RIPOR2: variants seen among roughly 807,000 people sequenced by gnomAD.
RIPOR2 encodes rho family-interacting cell polarization regulator 2.
Under a neutral mutation model 114.5 loss-of-function variants are expected in RIPOR2, and 39 were observed. That is an observed-to-expected ratio of 0.34 (90% CI 0.26 to 0.44). The LOEUF (loss-of-function observed/expected upper bound fraction) is 0.44, where lower values mean the gene tolerates loss of function less well. RIPOR2 is among the 20% of genes least tolerant of loss of function. RIPOR2 has a pLI of 1.00. For synonymous variants in RIPOR2, 445 were observed against 484.4 expected, an observed-to-expected ratio of 0.92 and a Z score of 1.07; for missense variants, 1,007 against 1,255.1, an observed-to-expected ratio of 0.80 and a Z score of 2.99.
chr6:24,873,771 C>T lies in RIPOR2; in HGVS notation c.217G>A (p.Ala73Thr), dbSNP rs773372686. 8.7e-6 allele frequency: 14 copies of T among 1,611,384 alleles called. No homozygotes were observed. The highest frequency in any genetic ancestry group is 2.2e-5 in the East Asian group (1 of 44,870). ...RCNSFIENSS[A>T]LKKPQAKLKK... ...AGTTTGGCCTGAGGCTTCTTGAGAGCGGAGGAATTTTCAATGAAGGAGTTA... is the reference window on the plus strand; with the variant it reads ...AGTTTGGCCTGAGGCTTCTTGAGAGTGGAGGAATTTTCAATGAAGGAGTTA... Residue 73 changes from alanine (A) to threonine (T), a missense_variant, in exon 3 of 22, where the codon GCT becomes ACT. Physicochemically the swap from Ala to Thr is moderately conservative, Grantham distance 58 (BLOSUM62 0). Transcript: ENST00000643898.
intron 14 of RIPOR2, among the ~76,000 whole-genome samples, chr6:24,838,806 G>T (rs1761347269): frequency 6.6e-6 from 1 of 151,838 alleles, no homozygotes; most frequent in Non-Finnish European, 1.5e-5. Flanking sequence ...AAAAAAATGT[G>T]TACACATGTA....
Position 24,990,047 on chromosome 6 carries a change from T to TA in RIPOR2, c.76+51803dup, listed in dbSNP as rs1231575351. Among the ~76,000 whole-genome samples, 10 of 151,720 alleles carry TA rather than the reference T, an allele frequency of 6.6e-5. 1 individual carries two copies. The Middle Eastern group carries it at 0.024, about 361-fold the overall frequency. On this transcript the variant is annotated intron_variant, in intron 1 of 13. Coordinates refer to the RIPOR2 transcript ENST00000510784. ...CTCAAAAAATAAAAATAAAAAAAAA[T>TA]AAAAAAATACCTTTTGTTGTGTCAA... is the stretch of plus-strand genomic sequence containing the variant.
At chr6:24,857,364 G>A (rs1763574697) in intron 8 of RIPOR2, among the ~76,000 whole-genome samples, 1 of 152,048 alleles carries the variant, frequency 6.6e-6, no homozygotes. Flanking sequence ...CCATCATGGG[G>A]GTTACCTCTG....
chr6:24,811,099 C>T (rs957770390), intron 20 of RIPOR2, among the ~76,000 whole-genome samples: 19 of 152,096 alleles, frequency 1.2e-4, no homozygotes, highest in Non-Finnish European at 2.2e-4. Flanking sequence ...GCCACCATGC[C>T]TGGCCCTAGA....
At chr6:24,951,320 A>G (rs921560475) in intron 1 of RIPOR2, among the ~76,000 whole-genome samples, 1 of 152,162 alleles carries the variant, frequency 6.6e-6, no homozygotes, top group African/African-American at 2.4e-5. Flanking sequence ...TGCAGCCCCC[A>G]GGTTTTTTGT....
At chr6:24,982,630 G>T (rs1193748512) in intron 1 of RIPOR2, among the ~76,000 whole-genome samples, 1 of 152,188 alleles carries the variant, frequency 6.6e-6, no homozygotes, top group Non-Finnish European at 1.5e-5. Flanking sequence ...AATAAAAGTA[G>T]TTGGCTTATG....
chr6:24,996,780 G>T (rs149779147), intron 1 of RIPOR2, among the ~76,000 whole-genome samples: 7 of 152,250 alleles, frequency 4.6e-5, no homozygotes, highest in Admixed American at 3.9e-4. Flanking sequence ...CTTTATACAG[G>T]CTTCTATTAT....
At position 24,828,279 on chromosome 6, in the gene RIPOR2, C is replaced by T. The variant is rs1760359318; in HGVS notation, c.2523G>A (p.Val841=). ...GLADPVFRTL[V]SQILDRAEPL... The stretch of plus-strand genomic sequence containing the variant: ...GCTCAGCCCGGTCCAGAATTTGGGA[C>T]ACCAGGGTTCGAAACACTATTCGGA... Residue 841 remains valine, a synonymous_variant, in exon 18 of 22, where the codon GTG becomes GTA. Transcript: ENST00000643898. 1 of 1,547,304 alleles carries T rather than the reference C, an allele frequency of 6.5e-7. No individual in the cohort carries two copies.
At chr6:24,903,337 G>C (rs1768657731) in intron 1 of RIPOR2, among the ~76,000 whole-genome samples, 1 of 152,160 alleles carries the variant, frequency 6.6e-6, no homozygotes, top group Non-Finnish European at 1.5e-5. Context: ...GAAAGCCACA[G>C]TTTTGAGGGG....
chr6:25,019,774 CAAAAAA>C (rs34107737), intron 1 of RIPOR2, among the ~76,000 whole-genome samples: 5 of 53,094 alleles, frequency 9.4e-5, no homozygotes, highest in African/African-American at 3.5e-4. Flanking sequence ...GACTCTGTCT[CAAAAAA>C]AAAAAAAAAA....
At chr6:24,811,435 T>A (rs1254200714) in intron 20 of RIPOR2, among the ~76,000 whole-genome samples, 1 of 149,712 alleles carries the variant, frequency 6.7e-6, no homozygotes. Flanking sequence ...CGGGGTTTCA[T>A]CATGTTGACC....
At chr6:24,829,284 G>A (rs1488485253) in intron 17 of RIPOR2, among the ~76,000 whole-genome samples, 2 of 151,598 alleles carry the variant, frequency 1.3e-5, no homozygotes, top group Admixed American at 6.6e-5. Context: ...ATTGCACTCC[G>A]GCCTGGGCAA....
intron 1 of RIPOR2, among the ~76,000 whole-genome samples, chr6:24,909,602 C>T (rs779243737): frequency 6.6e-6 from 1 of 152,182 alleles, no homozygotes; most frequent in South Asian, 2.1e-4. Context: ...CGAGCAGACG[C>T]TCACACAGGA....
intron 1 of RIPOR2, chr6:25,015,275 G>A (rs1775916399): frequency 1.3e-5 from 2 of 152,188 alleles, no homozygotes; most frequent in African/African-American, 2.4e-5. Context: ...AAATTGTCTG[G>A]CAAAGTCTGA....
At chr6:24,856,534 C>A (rs1012006996) in intron 8 of RIPOR2, among the ~76,000 whole-genome samples, 1 of 152,162 alleles carries the variant, frequency 6.6e-6, no homozygotes, top group African/African-American at 2.4e-5. Context: ...GTGGGCGGAT[C>A]ACCTGAGGTC....
rs1760596174 is a variant in RIPOR2 at position 24,830,633 on chromosome 6, T to C, written c.2382A>G (p.Ser794=). ...CAGGGCTGCAGCACTTGGTCCAGAA[T>C]GACAGCAAAGACAGCTTTTTGTGAA... ...PEFHKKLSLL[S]FWTKCCSPVG... Residue 794 remains serine, a synonymous_variant, in exon 17 of 22, where the codon TCA becomes TCG. Transcript: ENST00000643898. The C allele has an allele frequency of 6.4e-7, 1 of 1,551,344 alleles. No individual in the cohort carries two copies. Among genetic ancestry groups the C allele is most frequent in the Non-Finnish European group, 8.7e-7 (1 of 1,146,990 alleles).
intron 8 of RIPOR2, among the ~76,000 whole-genome samples, chr6:24,852,886 T>C (rs766816747): frequency 2.1e-4 from 32 of 152,168 alleles, no homozygotes; most frequent in Non-Finnish European, 4.0e-4. Flanking sequence ...GCTCAGAATA[T>C]CTTGGGCTGA....
chr6:24,998,897 GA>G (rs1775167924), intron 1 of RIPOR2, among the ~76,000 whole-genome samples: 1 of 151,594 alleles, frequency 6.6e-6, no homozygotes, highest in African/African-American at 2.4e-5. Context: ...TTTTATTGTA[GA>G]GCTTGTATTG....
chr6:25,000,987 C>A (rs1247114276), intron 1 of RIPOR2, among the ~76,000 whole-genome samples: 2 of 152,096 alleles, frequency 1.3e-5, no homozygotes, highest in African/African-American at 2.4e-5. Context: ...GGGCTGCGGA[C>A]CTCGATTTTT....
Sources: gnomAD v4.1 joint callset for allele counts (sites outside exome capture counted in the v4.1 genomes callset) on GRCh38, gnomAD v4.1.1 for gene constraint, MANE v1.5 for transcripts, NCBI Gene and HGNC (gene_info 2026-07-23, HGNC 2026-07-21) for gene names.